The following RAD54B variants were observed in gnomAD, a reference collection of about 807,000 sequenced individuals.
RAD54B encodes DNA repair and recombination protein RAD54B.
RAD54B carries 78 observed loss-of-function variants against 95.8 expected under a neutral mutation model. The observed-to-expected ratio is 0.81, with a 90% confidence interval of 0.68 to 0.98. The LOEUF (loss-of-function observed/expected upper bound fraction) is 0.98. Among genes scored for constraint, RAD54B ranks in the 50% least tolerant of loss-of-function variants. The pLI is 0.00. For missense variants in RAD54B, 957 were observed against 1,056.6 expected, an observed-to-expected ratio of 0.91 and a Z score of 1.31; for synonymous variants, 328 against 354.9, an observed-to-expected ratio of 0.92 and a Z score of 0.85.
intron 11 of RAD54B, among the ~76,000 whole-genome samples, chr8:94,384,855 C>T (rs1291491038): frequency 6.6e-6 from 1 of 152,200 alleles, no homozygotes; most frequent in East Asian, 1.9e-4. Context: ...ATAATCCCAA[C>T]ACTTTGGGAG....
intron 4 of RAD54B, 139 bp downstream of exon 4, chr8:94,410,982 T>TA: frequency 1.6e-6 from 1 of 626,878 alleles, no homozygotes; most frequent in Non-Finnish European, 2.7e-6. Flanking sequence ...TTTTATGTAT[T>TA]ATACACAGTT....
At chr8:94,399,289 C>T (rs1186562840) in intron 8 of RAD54B, 125 bp downstream of exon 8, 3 of 723,900 alleles carry the variant, frequency 4.1e-6, no homozygotes, top group African/African-American at 1.8e-5. Flanking sequence ...AGTTAATTAA[C>T]ACAGGTTTAT....
At chr8:94,388,351 T>C (rs1320802651) in intron 10 of RAD54B, among the ~76,000 whole-genome samples, 5 of 152,236 alleles carry the variant, frequency 3.3e-5, no homozygotes, top group Non-Finnish European at 7.3e-5. Flanking sequence ...AATAACATTT[T>C]CTTTTTATAG....
intron 3 of RAD54B, chr8:94,431,312 A>G: frequency 4.1e-6 from 4 of 977,408 alleles, no homozygotes; most frequent in Non-Finnish European, 4.9e-6. Flanking sequence ...GCCAAAATAT[A>G]TAATAGCTTC....
intron 14 of RAD54B, among the ~76,000 whole-genome samples, chr8:94,374,380 A>G (rs890525590): frequency 1.3e-5 from 2 of 152,212 alleles, no homozygotes; most frequent in Admixed American, 6.5e-5. Flanking sequence ...GCTAACCAAG[A>G]GTTCGCCAGT....
chr8:94,444,094 T>C (rs1471389857), intron 3 of RAD54B, among the ~76,000 whole-genome samples: 1 of 152,106 alleles, frequency 6.6e-6, no homozygotes, highest in Non-Finnish European at 1.5e-5. Flanking sequence ...AGAATACAGA[T>C]AACTTAATGA....
chr8:94,388,036 T>C (rs982923545), intron 10 of RAD54B, among the ~76,000 whole-genome samples: 1 of 152,256 alleles, frequency 6.6e-6, no homozygotes, highest in Admixed American at 6.5e-5. Context: ...AAATTATACC[T>C]GATTATTCAT....
intron 3 of RAD54B, among the ~76,000 whole-genome samples, chr8:94,433,795 A>C (rs1434898198): frequency 6.6e-6 from 1 of 151,808 alleles, no homozygotes; most frequent in African/African-American, 2.4e-5. Flanking sequence ...TTTATTTAAT[A>C]TTATTTAGAG....
In RAD54B at chr8:94,372,317, G is replaced by A; in HGVS notation, c.2586C>T (p.Ser862=). The A allele has an allele frequency of 6.2e-7, 1 of 1,613,794 alleles. No homozygotes were observed. Among genetic ancestry groups the A allele is most frequent in the Non-Finnish European group, 8.5e-7 (1 of 1,179,898 alleles). ...QLGPHHQKSN[S]LKPLSMSQLK... ...GCTGGGACATAGAAAGAGGTTTCAGGGAGTTAGATTTCTGGTGATGTGGAC... is the reference window on the plus strand; with the variant it reads ...GCTGGGACATAGAAAGAGGTTTCAGAGAGTTAGATTTCTGGTGATGTGGAC... Residue 862 remains serine, a synonymous_variant, in exon 15 of 15, where the codon TCC becomes TCT. Coordinates refer to ENST00000336148, the MANE Select transcript of RAD54B (RefSeq NM_012415.3).
intron 3 of RAD54B, among the ~76,000 whole-genome samples, chr8:94,414,404 T>C (rs937437947): frequency 3.3e-5 from 5 of 152,194 alleles, no homozygotes; most frequent in South Asian, 2.1e-4. Context: ...TGTCTTGTGC[T>C]GGTTTTCAAA....
At chr8:94,451,067 A>G (rs1213798784) in intron 3 of RAD54B, among the ~76,000 whole-genome samples, 7 of 152,168 alleles carry the variant, frequency 4.6e-5, no homozygotes, top group Non-Finnish European at 1.0e-4. Context: ...TTTGACTGCT[A>G]GAAGAGCTAA....
At chr8:94,375,476 T>C (rs1224676244) in intron 14 of RAD54B, among the ~76,000 whole-genome samples, 1 of 152,208 alleles carries the variant, frequency 6.6e-6, no homozygotes, top group African/African-American at 2.4e-5. Flanking sequence ...CCACCATCCA[T>C]GTAAGATCTG....
intron 11 of RAD54B, among the ~76,000 whole-genome samples, chr8:94,383,838 T>G (rs10112606): frequency 6.6e-6 from 1 of 151,882 alleles, no homozygotes; most frequent in Non-Finnish European, 1.5e-5. Flanking sequence ...CCACCTCCCA[T>G]CCACTAGGAT....
intron 9 of RAD54B, among the ~76,000 whole-genome samples, chr8:94,392,764 ATT>A (rs34856809): frequency 9.6e-4 from 70 of 72,592 alleles, no homozygotes; most frequent in East Asian, 3.5e-3. Flanking sequence ...CACCTGGCTG[ATT>A]TTTTTTTTTT....
In RAD54B at chr8:94,428,619, TA is replaced by T. The variant is rs1256863321; in HGVS notation, c.305-17305del. 27 of 639,416 alleles carry T rather than the reference TA, an allele frequency of 4.2e-5. No homozygotes were observed. In the Admixed American group the frequency reaches 1.7e-3, roughly 40 times the overall value. 39.6% of individuals were successfully genotyped at this position (639,416 alleles called of 1,614,324 possible). A position where few individuals can be genotyped will look rare whatever the true frequency, so the allele number is the denominator to read the frequency against. ...TCCTACCTCAGTTATACCGTCTTTT[TA>T]AATTTCGTATTACTTTTTATTGTTG... On this transcript the variant is annotated intron_variant, in intron 3 of 14. Transcript: ENST00000336148.
chr8:94,385,367 T>TA lies in RAD54B; in HGVS notation c.1985+1616dup, dbSNP rs537566769. 6.2e-3 allele frequency among the ~76,000 whole-genome samples: 883 copies of TA among 141,902 alleles called. 48 individuals are homozygous for TA. In the East Asian group the frequency reaches 0.15, roughly 23 times the overall value. The allele number at this position is 141,902 out of a possible 152,430, so 93.1% of individuals were successfully genotyped here. ...CTTCAGAGAAAAAAAAAAGTCCAGT[T>TA]AAAAAAAAAAAGATAATAAGATATG... On this transcript the variant is annotated intron_variant, in intron 11 of 14. Transcript: ENST00000336148.
chr8:94,474,069 A>G (rs3098702), intron 1 of RAD54B, among the ~76,000 whole-genome samples: 18,470 of 152,250 alleles, frequency 0.12, 2,042 homozygotes, highest in East Asian at 0.33. Context: ...TTGCAGCAAC[A>G]TGGGTGCAGC....
intron 3 of RAD54B, chr8:94,432,659 A>G (rs1563655263): frequency 1.0e-5 from 15 of 1,501,304 alleles, no homozygotes; most frequent in Non-Finnish European, 1.3e-5. Context: ...AGTTTGCACT[A>G]TAGCACACAA....
At chr8:94,456,533 A>T (rs1020332749) in intron 3 of RAD54B, among the ~76,000 whole-genome samples, 2 of 152,214 alleles carry the variant, frequency 1.3e-5, no homozygotes, top group Admixed American at 6.5e-5. Flanking sequence ...ACATAGAGAA[A>T]AAGAGAGAAA....
Sources: gnomAD v4.1 joint callset for allele counts (sites outside exome capture counted in the v4.1 genomes callset) on GRCh38, gnomAD v4.1.1 for gene constraint, MANE v1.5 for transcripts, NCBI Gene and HGNC (gene_info 2026-07-23, HGNC 2026-07-21) for gene names.